Variants in XKR9 observed in about 807,000 individuals in gnomAD.
XKR9 encodes XK related 9.
XKR9 carries 32 observed loss-of-function variants against 32.0 expected under a neutral mutation model. The observed-to-expected ratio is 1.00, with a 90% CI of 0.76 to 1.34. XKR9 has a LOEUF of 1.34. Among genes scored for constraint, XKR9 ranks in the 40% most tolerant of loss-of-function variants. The probability of loss-of-function intolerance (pLI) is 0.00; values close to 1 mark genes in which losing one functional copy is unlikely to be tolerated. For missense variants in XKR9, 546 were observed against 429.7 expected, an observed-to-expected ratio of 1.27 and a Z score of -2.39; for synonymous variants, 168 against 143.4, an observed-to-expected ratio of 1.17 and a Z score of -1.22.
the XKR9 span, among the ~76,000 whole-genome samples, chr8:70,829,156 C>T: frequency 6.6e-6 from 1 of 152,194 alleles, no homozygotes; most frequent in Non-Finnish European, 1.5e-5. Flanking sequence ...TGCCTGAACT[C>T]AAATCCAAGC....
intron 3 of XKR9, among the ~76,000 whole-genome samples, chr8:70,702,694 A>G (rs1179818824): frequency 6.6e-6 from 1 of 152,168 alleles, no homozygotes; most frequent in East Asian, 1.9e-4. Flanking sequence ...TATCTCTGGT[A>G]GTATTCCTTG....
the XKR9 span, among the ~76,000 whole-genome samples, chr8:70,799,625 C>T: frequency 6.6e-6 from 1 of 152,062 alleles, no homozygotes; most frequent in Non-Finnish European, 1.5e-5. Context: ...AGCCACTGTG[C>T]GAGGCCGAGA....
At chr8:70,988,798 C>G in the XKR9 span, among the ~76,000 whole-genome samples, 1 of 152,192 alleles carries the variant, frequency 6.6e-6, no homozygotes, top group Non-Finnish European at 1.5e-5. Flanking sequence ...TGCTGAATCT[C>G]TATACCAATA....
chr8:70,878,721 C>T, the XKR9 span, among the ~76,000 whole-genome samples: 1 of 152,100 alleles, frequency 6.6e-6, no homozygotes, highest in Non-Finnish European at 1.5e-5. Context: ...CTTTAACACC[C>T]CACTGTCAAC....
At chr8:71,013,443 C>T in the XKR9 span, among the ~76,000 whole-genome samples, 2 of 152,146 alleles carry the variant, frequency 1.3e-5, no homozygotes, top group Non-Finnish European at 2.9e-5. Flanking sequence ...GCATGGAGTT[C>T]TCATACAGCC....
At chr8:70,775,343 T>C (rs1380045146) in intron 2 of XKR9, among the ~76,000 whole-genome samples, 2 of 152,148 alleles carry the variant, frequency 1.3e-5, no homozygotes, top group African/African-American at 4.8e-5. Context: ...GAGTACAACC[T>C]CAAACACAAC....
At chr8:70,878,372 A>G in the XKR9 span, among the ~76,000 whole-genome samples, 1 of 152,158 alleles carries the variant, frequency 6.6e-6, no homozygotes, top group African/African-American at 2.4e-5. Context: ...AATTGGATAA[A>G]GAGTCAAGCC....
the XKR9 span, among the ~76,000 whole-genome samples, chr8:71,040,689 A>G: frequency 2.6e-5 from 4 of 152,178 alleles, no homozygotes; most frequent in African/African-American, 9.7e-5. Context: ...TGATTTTTAC[A>G]TAAGTGTGAT....
At chr8:70,877,212 C>A in the XKR9 span, among the ~76,000 whole-genome samples, 3 of 152,242 alleles carry the variant, frequency 2.0e-5, no homozygotes, top group East Asian at 5.8e-4. Context: ...CAAGAACAGT[C>A]TGTGGGAAAC....
At chr8:70,796,055 A>ATT in the XKR9 span, among the ~76,000 whole-genome samples, 5 of 142,958 alleles carry the variant, frequency 3.5e-5, no homozygotes, top group Admixed American at 7.0e-5. Context: ...TGAGATTTTG[A>ATT]TTTTTTTTTT....
At chr8:70,911,263 C>G in the XKR9 span, among the ~76,000 whole-genome samples, 208 of 152,310 alleles carry the variant, frequency 1.4e-3, 1 homozygote, top group South Asian at 1.0e-2. Context: ...GCCATTATTA[C>G]TTATATCCTA....
At chr8:70,687,315 T>TTTCTTTCC (rs1416805029) in intron 3 of XKR9, among the ~76,000 whole-genome samples, 8 of 84,946 alleles carry the variant, frequency 9.4e-5, no homozygotes, top group Non-Finnish European at 1.8e-4. Context: ...CTCCTCCCTC[T>TTTCTTTCC]TTCTTTCTTT....
intron 3 of XKR9, among the ~76,000 whole-genome samples, chr8:70,692,534 G>A (rs201581905): frequency 2.6e-5 from 4 of 151,912 alleles, no homozygotes; most frequent in Non-Finnish European, 5.9e-5. Context: ...TTGCCCATTC[G>A]GTATGATGTT....
At chr8:70,874,722 A>G in the XKR9 span, among the ~76,000 whole-genome samples, 11 of 152,236 alleles carry the variant, frequency 7.2e-5, no homozygotes, top group Non-Finnish European at 1.0e-4. Context: ...AGTCTGATCC[A>G]GAGACTCGTG....
intron 2 of XKR9, among the ~76,000 whole-genome samples, chr8:70,751,999 G>C (rs1807149193): frequency 6.6e-6 from 1 of 152,136 alleles, no homozygotes; most frequent in African/African-American, 2.4e-5. Context: ...GGAGAACCCT[G>C]ACTAATACAT....
intron 2 of XKR9, among the ~76,000 whole-genome samples, chr8:70,788,155 A>G (rs1807712959): frequency 6.6e-6 from 1 of 152,092 alleles, no homozygotes; most frequent in African/African-American, 2.4e-5. Context: ...GTTCTGTGTG[A>G]TTATGTCTGT....
chr8:70,826,913 C>G, the XKR9 span, among the ~76,000 whole-genome samples: 3 of 152,004 alleles, frequency 2.0e-5, no homozygotes, highest in Admixed American at 6.5e-5. Context: ...TGTTTGAAGA[C>G]CATTTTTTAA....
chr8:70,957,481 C>T, the XKR9 span, among the ~76,000 whole-genome samples: 2 of 152,198 alleles, frequency 1.3e-5, no homozygotes, highest in Admixed American at 1.3e-4. Context: ...TATCACATCG[C>T]CTAGGTATTA....
At chr8:70,801,006 T>A in the XKR9 span, among the ~76,000 whole-genome samples, 1 of 151,248 alleles carries the variant, frequency 6.6e-6, no homozygotes, top group Non-Finnish European at 1.5e-5. Flanking sequence ...TTTGTATTTC[T>A]CTGGTGTTCG....
Sources: allele counts gnomAD v4.1 joint callset (sites outside exome capture counted in the v4.1 genomes callset), GRCh38; gene constraint gnomAD v4.1.1; transcripts MANE v1.5; gene names NCBI Gene and HGNC (gene_info 2026-07-23, HGNC 2026-07-21).